RMND5A: variants seen among roughly 807,000 people sequenced by gnomAD.
RMND5A encodes E3 ubiquitin-protein transferase RMND5A.
A neutral mutation model predicts 49.7 loss-of-function variants in RMND5A; 17 were observed. The ratio of observed to expected loss-of-function variants is 0.34; its 90% CI spans 0.23 to 0.51. The LOEUF is 0.51. RMND5A is among the 20% of genes least tolerant of loss of function. The pLI, the probability that RMND5A is intolerant of heterozygous loss-of-function variation, is 0.96. For missense variants in RMND5A, 255 were observed against 471.3 expected, an observed-to-expected ratio of 0.54 and a Z score of 4.25; for synonymous variants, 156 against 167.7, an observed-to-expected ratio of 0.93 and a Z score of 0.54.
intron 7 of RMND5A, among the ~76,000 whole-genome samples, chr2:86,770,505 G>A (rs1265776015): frequency 6.6e-6 from 1 of 152,160 alleles, no homozygotes; most frequent in African/African-American, 2.4e-5. Flanking sequence ...CTGTCGATAA[G>A]ATCACGAGTT....
chr2:86,764,100 T>C (rs1672552145), intron 4 of RMND5A, among the ~76,000 whole-genome samples: 1 of 152,190 alleles, frequency 6.6e-6, no homozygotes, highest in Admixed American at 6.5e-5. Context: ...ATAAATAATT[T>C]GAAAGATTTT....
At chr2:86,764,744 G>A (rs1312045410) in intron 4 of RMND5A, among the ~76,000 whole-genome samples, 5 of 152,232 alleles carry the variant, frequency 3.3e-5, no homozygotes, top group African/African-American at 1.2e-4. Flanking sequence ...CCGCTTCAAA[G>A]TGTGGTCCTA....
At chr2:86,765,792 G>T in intron 5 of RMND5A, 67 bp from the exon 6 acceptor site, 1 of 1,377,914 alleles carries the variant, frequency 7.3e-7, no homozygotes, top group Non-Finnish European at 1.0e-6. Flanking sequence ...ATGGGTGGGG[G>T]TATTCTTGCT....
intron 2 of RMND5A, among the ~76,000 whole-genome samples, chr2:86,747,464 G>A (rs929741938): frequency 1.3e-5 from 2 of 152,158 alleles, no homozygotes; most frequent in Admixed American, 6.5e-5. Flanking sequence ...CCAGAATCCA[G>A]GTCTTCTTAC....
In RMND5A at chr2:86,773,374, A is replaced by G. The variant is rs1401961643; in HGVS notation, c.1139A>G (p.Glu380Gly). 6.2e-7 allele frequency: 1 copy of G among 1,609,156 alleles called. No individual in the cohort carries two copies. ...SKLKCPYCPM[E>G]QSPGDAKQIF... Reference sequence around the variant, plus strand: ...TTAAAATGTCCCTACTGTCCAATGGAACAAAGTCCAGGAGATGCCAAACAG... The same window carrying G: ...TTAAAATGTCCCTACTGTCCAATGGGACAAAGTCCAGGAGATGCCAAACAG... Residue 380 changes from glutamate (E) to glycine (G), a missense_variant, in exon 9 of 9, where the codon GAA becomes GGA. Transcript: ENST00000283632.
chr2:86,756,846 C>T (rs753699878), intron 4 of RMND5A, among the ~76,000 whole-genome samples: 2 of 152,160 alleles, frequency 1.3e-5, no homozygotes, highest in Non-Finnish European at 2.9e-5. Context: ...TCCAGACTGC[C>T]TATGCGGTGA....
rs1672713927 is a variant in RMND5A, at chr2:86,773,370, A to G, written c.1135A>G (p.Met379Val). 6.2e-7 allele frequency: 1 copy of G among 1,608,648 alleles called. No homozygotes were observed. The highest frequency in any genetic ancestry group is 1.7e-5 in the Admixed American group (1 of 59,998). Residue 379 changes from methionine to valine, a missense_variant, in exon 9 of 9, where the codon ATG (methionine) becomes GTG (valine). Met to Val is a conservative substitution (Grantham distance 21). Around this residue, in one of 3 missense-constraint regions of RMND5A, gnomAD observed 208 missense variants for 339.8 expected, o/e 0.61. Coordinates refer to ENST00000283632, the MANE Select transcript of RMND5A (RefSeq NM_022780.4). ...GSKLKCPYCP[M>V]EQSPGDAKQI... The stretch of plus-strand genomic sequence containing the variant: ...TAGATTAAAATGTCCCTACTGTCCA[A>G]TGGAACAAAGTCCAGGAGATGCCAA...
At chr2:86,729,306 G>A (rs1328245936) in intron 1 of RMND5A, among the ~76,000 whole-genome samples, 1 of 152,008 alleles carries the variant, frequency 6.6e-6, no homozygotes, top group African/African-American at 2.4e-5. Flanking sequence ...AGTGAAGAGA[G>A]AGAGCCCTTA....
At chr2:86,743,977 CAAA>C (rs11313907) in intron 2 of RMND5A, among the ~76,000 whole-genome samples, 1 of 117,072 alleles carries the variant, frequency 8.5e-6, no homozygotes, top group Non-Finnish European at 1.9e-5. Flanking sequence ...GACTCCATCT[CAAA>C]AAAAAAAAAA....
At chr2:86,721,813 A>G (rs906404006) in intron 1 of RMND5A, among the ~76,000 whole-genome samples, 1 of 149,048 alleles carries the variant, frequency 6.7e-6, no homozygotes, top group Non-Finnish European at 1.5e-5. Context: ...AGCTGGGGGA[A>G]GATGCAGATT....
At chr2:86,769,982 C>T in intron 6 of RMND5A, 41 bp from the exon 7 acceptor site, 4 of 1,488,746 alleles carry the variant, frequency 2.7e-6, no homozygotes, top group Non-Finnish European at 3.8e-6. Flanking sequence ...AGCGGCCTGA[C>T]CCCTGGCCTG....
intron 2 of RMND5A, among the ~76,000 whole-genome samples, chr2:86,742,396 T>A (rs1227721406): frequency 6.6e-6 from 1 of 151,142 alleles, no homozygotes; most frequent in Non-Finnish European, 1.5e-5. Flanking sequence ...GTGAAGCCTG[T>A]TTGGTAACTC....
At chr2:86,755,766 A>G (rs896968397) in intron 4 of RMND5A, among the ~76,000 whole-genome samples, 6 of 152,206 alleles carry the variant, frequency 3.9e-5, no homozygotes, top group African/African-American at 7.2e-5. Context: ...CCTTAAAACA[A>G]TTCCTCTCAG....
chr2:86,763,198 A>G (rs1672533716), intron 4 of RMND5A, among the ~76,000 whole-genome samples: 1 of 140,014 alleles, frequency 7.1e-6, no homozygotes, highest in African/African-American at 2.5e-5. Flanking sequence ...ATTTGTAGTT[A>G]CTCTATTAGC....
chr2:86,743,472 T>C (rs2104390842), intron 2 of RMND5A, among the ~76,000 whole-genome samples: 1 of 124,424 alleles, frequency 8.0e-6, no homozygotes, highest in East Asian at 2.7e-4. Flanking sequence ...TTTGTTTCTG[T>C]TTTTGTTTTG....
At chr2:86,762,018 C>T in intron 4 of RMND5A, among the ~76,000 whole-genome samples, 1 of 152,122 alleles carries the variant, frequency 6.6e-6, no homozygotes, top group East Asian at 1.9e-4. Context: ...TATAATTACT[C>T]TATAGGCCTG....
chr2:86,764,887 G>A (rs560636231), intron 4 of RMND5A, 140 bp from the exon 5 acceptor site: 1 of 696,140 alleles, frequency 1.4e-6, no homozygotes, highest in African/African-American at 1.8e-5. Context: ...CAAAGGTCTG[G>A]GCCCTAGGGA....
At chr2:86,764,735 C>T (rs773187391) in intron 4 of RMND5A, among the ~76,000 whole-genome samples, 3 of 152,106 alleles carry the variant, frequency 2.0e-5, no homozygotes, top group Non-Finnish European at 4.4e-5. Flanking sequence ...TGGCTGACAC[C>T]GCTTCAAAGT....
Position 86,771,599 on chromosome 2 carries a change from A to G in RMND5A, c.999A>G (p.Ile333Met), listed in dbSNP as rs1443835180. Reference sequence around the variant, plus strand: ...GTAAAAAGTGCTGGTATCACTCTATATTTGCCTGCCCCATTCTTCGTCAGC... The same window carrying G: ...GTAAAAAGTGCTGGTATCACTCTATGTTTGCCTGCCCCATTCTTCGTCAGC... ...DLGKKCWYHS[I>M]FACPILRQQT... Residue 333 changes from isoleucine (I) to methionine (M), a missense_variant, in exon 8 of 9, where the codon ATA becomes ATG. Ile to Met is a conservative substitution (Grantham distance 10, BLOSUM62 1). Around this residue, in one of 3 missense-constraint regions of RMND5A, gnomAD observed 208 missense variants for 339.8 expected, o/e 0.61. Coordinates refer to ENST00000283632, the MANE Select transcript of RMND5A (RefSeq NM_022780.4). 1 of 1,609,988 alleles carries G rather than the reference A, an allele frequency of 6.2e-7. No individual in the cohort carries two copies. The highest frequency in any genetic ancestry group is 8.5e-7 in the Non-Finnish European group (1 of 1,179,204).
Sources: gnomAD v4.1 joint callset for allele counts (sites outside exome capture counted in the v4.1 genomes callset) on GRCh38, gnomAD v4.1.1 for gene constraint, gnomAD v4.1.1 regional missense constraint, MANE v1.5 for transcripts, NCBI Gene and HGNC (gene_info 2026-07-23, HGNC 2026-07-21) for gene names.